ARHGEF3: variants seen among roughly 807,000 people sequenced by gnomAD.
The protein encoded by ARHGEF3 is 59.8 kDA protein.
Under a neutral mutation model 63.2 loss-of-function variants are expected in ARHGEF3, and 28 were observed. That is an observed-to-expected ratio of 0.44 (90% CI 0.33 to 0.61). ARHGEF3 has a LOEUF of 0.61. Ranked by LOEUF, ARHGEF3 falls within the 20% of genes least tolerant of loss-of-function variation. ARHGEF3 has a pLI of 0.03. For synonymous variants in ARHGEF3, 266 were observed against 254.2 expected, an observed-to-expected ratio of 1.05 and a Z score of -0.44; for missense variants, 533 against 659.3, an observed-to-expected ratio of 0.81 and a Z score of 2.10.
In ARHGEF3 at chr3:56,751,404, A is replaced by G. The variant is rs2034733767; in HGVS notation, c.439-8T>C. On this transcript the variant is annotated splice_region_variant and splice_polypyrimidine_tract_variant and intron_variant, in intron 4 of 9. Coordinates refer to ENST00000296315, the MANE Select transcript of ARHGEF3 (RefSeq NM_019555.3). Reference sequence around the variant, plus strand: ...CATGGGGTCATGATAGGCCTGCACAAAAACGGCAAGAGATGGAAGCACATG... The same window carrying G: ...CATGGGGTCATGATAGGCCTGCACAGAAACGGCAAGAGATGGAAGCACATG... The G allele has an allele frequency of 1.9e-6, 3 of 1,609,438 alleles. No individual in the cohort carries two copies. In the East Asian group the frequency reaches 6.7e-5, roughly 36 times the overall value.
chr3:56,911,546 T>C (rs2041852855), intron 3 of ARHGEF3, among the ~76,000 whole-genome samples: 1 of 152,114 alleles, frequency 6.6e-6, no homozygotes, highest in Non-Finnish European at 1.5e-5. Flanking sequence ...CACTCTGACC[T>C]TGCCCGCTCC....
chr3:57,036,363 G>A (rs1703962924), intron 1 of ARHGEF3, among the ~76,000 whole-genome samples: 1 of 152,102 alleles, frequency 6.6e-6, no homozygotes, highest in South Asian at 2.1e-4. Context: ...AAGGATTCAA[G>A]CAGGTGTGCT....
intron 3 of ARHGEF3, among the ~76,000 whole-genome samples, chr3:56,955,059 C>G (rs1434436138): frequency 6.6e-6 from 1 of 152,266 alleles, no homozygotes; most frequent in East Asian, 1.9e-4. Context: ...TCCTCGAGAG[C>G]AATATGGTTC....
intron 2 of ARHGEF3, among the ~76,000 whole-genome samples, chr3:56,768,985 G>A (rs2035864367): frequency 6.6e-6 from 1 of 152,212 alleles, no homozygotes; most frequent in African/African-American, 2.4e-5. Context: ...CGTGAGCTCT[G>A]CACCTATGCC....
intron 1 of ARHGEF3, among the ~76,000 whole-genome samples, chr3:57,035,987 G>T (rs887577447): frequency 3.3e-5 from 5 of 152,310 alleles, no homozygotes; most frequent in African/African-American, 1.2e-4. Flanking sequence ...CATCCCAGCT[G>T]GGAATATGAT....
rs1477519027 is a variant in ARHGEF3 at position 56,729,674 on chromosome 3, A to G, written c.1229-52T>C. On this transcript the variant is annotated intron_variant, in intron 9 of 9. Coordinates refer to ENST00000296315, the MANE Select transcript of ARHGEF3 (RefSeq NM_019555.3). ...AAAGTCAATGGACAGATCCTTCCTCAGGCCAAAGAGAACACACGTAGTGAC... is the reference window on the plus strand; with the variant it reads ...AAAGTCAATGGACAGATCCTTCCTCGGGCCAAAGAGAACACACGTAGTGAC... The G allele has an allele frequency of 4.1e-6, 6 of 1,447,618 alleles. No homozygotes were observed. The South Asian group carries it at 5.2e-5, about 13-fold the overall frequency. 89.7% of individuals were successfully genotyped at this position (1,447,618 alleles called of 1,614,324 possible). A position where few individuals can be genotyped will look rare whatever the true frequency, so the allele number is the denominator to read the frequency against.
intron 4 of ARHGEF3, among the ~76,000 whole-genome samples, chr3:56,836,946 C>T (rs936270586): frequency 1.3e-5 from 2 of 152,000 alleles, no homozygotes; most frequent in South Asian, 2.1e-4. Context: ...CAAAAAGTCA[C>T]TGTGTAAAGG....
At chr3:56,899,659 G>A (rs1443225668) in intron 3 of ARHGEF3, among the ~76,000 whole-genome samples, 1 of 152,098 alleles carries the variant, frequency 6.6e-6, no homozygotes, top group Non-Finnish European at 1.5e-5. Context: ...CAGGTCAAAG[G>A]TGATTCACAA....
At chr3:56,946,480 G>C (rs1578914399) in intron 3 of ARHGEF3, among the ~76,000 whole-genome samples, 1 of 152,230 alleles carries the variant, frequency 6.6e-6, no homozygotes, top group African/African-American at 2.4e-5. Flanking sequence ...CGTGATGAAT[G>C]CACTAGCCTC....
At chr3:57,015,053 TATTA>T (rs1027952572) in intron 2 of ARHGEF3, among the ~76,000 whole-genome samples, 5 of 152,064 alleles carry the variant, frequency 3.3e-5, no homozygotes, top group Admixed American at 2.6e-4. Context: ...AACCTGAAAT[TATTA>T]ATTGTCTAAA....
intron 4 of ARHGEF3, among the ~76,000 whole-genome samples, chr3:56,818,900 AG>A (rs575131525): frequency 1.8e-4 from 27 of 152,328 alleles, no homozygotes; most frequent in Admixed American, 1.6e-3. Context: ...AAGAATAAAG[AG>A]AGAGGAAAGA....
At chr3:56,814,642 C>T (rs2038199522) in intron 4 of ARHGEF3, among the ~76,000 whole-genome samples, 3 of 151,262 alleles carry the variant, frequency 2.0e-5, no homozygotes, top group South Asian at 4.2e-4. Flanking sequence ...TTAACCCTTC[C>T]GGTAAATAAA....
chr3:56,934,264 A>T (rs1231448646), intron 3 of ARHGEF3, among the ~76,000 whole-genome samples: 1 of 152,222 alleles, frequency 6.6e-6, no homozygotes, highest in Admixed American at 6.5e-5. Context: ...GGATGGAGAG[A>T]ATATTTACTG....
At chr3:56,883,299 T>C (rs2040828282) in intron 3 of ARHGEF3, among the ~76,000 whole-genome samples, 1 of 151,914 alleles carries the variant, frequency 6.6e-6, no homozygotes, top group South Asian at 2.1e-4. Context: ...AAAGTATGTT[T>C]TTCTTTTTTT....
intron 4 of ARHGEF3, among the ~76,000 whole-genome samples, chr3:56,819,780 C>T (rs1446510909): frequency 6.6e-6 from 1 of 151,926 alleles, no homozygotes; most frequent in African/African-American, 2.4e-5. Context: ...CTTAGCCTCC[C>T]AGAGTGCTGG....
chr3:56,983,988 C>T (rs1411183083), intron 2 of ARHGEF3, among the ~76,000 whole-genome samples: 1 of 142,876 alleles, frequency 7.0e-6, no homozygotes, highest in African/African-American at 2.5e-5. Flanking sequence ...ATTGACCCTG[C>T]CACACTGTAC....
In ARHGEF3 at chr3:56,800,984, C is replaced by T. The variant is rs17216789; in HGVS notation, c.96+719G>A. Among the ~76,000 whole-genome samples, 3,764 of 152,330 alleles carry T rather than the reference C, an allele frequency of 0.025. 318 individuals carry two copies. The East Asian group carries it at 0.3, about 12-fold the overall frequency. ...AGAGGAAAAGGCAGACTAAACATAA[C>T]CTGGGAGCACTCCTTCACATCGCCC... On this transcript the variant is annotated intron_variant, in intron 1 of 9. Transcript: ENST00000296315.
intron 6 of ARHGEF3, among the ~76,000 whole-genome samples, chr3:56,749,960 G>T (rs915127025): frequency 2.7e-5 from 4 of 150,880 alleles, no homozygotes; most frequent in Non-Finnish European, 5.9e-5. Flanking sequence ...GTTTTAGGAA[G>T]ATTAAAATGC....
intron 2 of ARHGEF3, among the ~76,000 whole-genome samples, chr3:57,000,070 G>A (rs1004791123): frequency 4.6e-5 from 7 of 152,098 alleles, no homozygotes; most frequent in African/African-American, 1.7e-4. Context: ...GGCAGCATCT[G>A]TATCCTAGGC....
Sources: gnomAD v4.1 joint callset for allele counts (sites outside exome capture counted in the v4.1 genomes callset) on GRCh38, gnomAD v4.1.1 for gene constraint, MANE v1.5 for transcripts, NCBI Gene and HGNC (gene_info 2026-07-23, HGNC 2026-07-21) for gene names.